The following FBLN2 variants were observed in gnomAD, a reference collection of about 807,000 sequenced individuals.
FBLN2 encodes fibulin-2.
Under a neutral mutation model 123.7 loss-of-function variants are expected in FBLN2, and 81 were observed. The observed-to-expected ratio is 0.65, with a 90% confidence interval of 0.55 to 0.79. The LOEUF (loss-of-function observed/expected upper bound fraction) is 0.79. FBLN2 is among the 30% of genes least tolerant of loss of function. FBLN2 has a pLI of 0.00. For missense variants in FBLN2, 1,603 were observed against 1,681.3 expected, an observed-to-expected ratio of 0.95 and a Z score of 0.81; for synonymous variants, 699 against 701.4, an observed-to-expected ratio of 1.00 and a Z score of 0.05.
chr3:13,628,658 C>T (rs371315258), intron 11 of FBLN2, among the ~76,000 whole-genome samples: 29 of 152,332 alleles, frequency 1.9e-4, no homozygotes, highest in South Asian at 1.7e-3. Flanking sequence ...GCCTCGATCC[C>T]GCCCTGCCTC....
At chr3:13,617,171 C>T (rs867068182) in intron 5 of FBLN2, among the ~76,000 whole-genome samples, 16 of 151,414 alleles carry the variant, frequency 1.1e-4, no homozygotes, top group African/African-American at 3.9e-4. Context: ...TCCATCCATC[C>T]ATCCATCTAT....
intron 2 of FBLN2, among the ~76,000 whole-genome samples, chr3:13,578,983 A>G (rs913549995): frequency 2.6e-5 from 4 of 152,208 alleles, no homozygotes; most frequent in African/African-American, 9.7e-5. Flanking sequence ...TGAACCTAGG[A>G]GGCGGAGGTT....
At chr3:13,605,414 T>C (rs1705169016) in intron 2 of FBLN2, among the ~76,000 whole-genome samples, 2 of 152,240 alleles carry the variant, frequency 1.3e-5, no homozygotes, top group Non-Finnish European at 2.9e-5. Context: ...ATTGTTATTT[T>C]ATGTGTGATA....
chr3:13,603,942 G>C (rs1031171089), intron 2 of FBLN2, among the ~76,000 whole-genome samples: 31 of 152,326 alleles, frequency 2.0e-4, no homozygotes, highest in African/African-American at 7.0e-4. Context: ...ACTGGTGTGA[G>C]ATGGTATTTC....
intron 2 of FBLN2, among the ~76,000 whole-genome samples, chr3:13,588,492 C>T (rs1370768902): frequency 6.6e-6 from 1 of 152,238 alleles, no homozygotes; most frequent in Non-Finnish European, 1.5e-5. Flanking sequence ...TGTGGCTTCT[C>T]ATTGGGAACC....
Position 13,597,107 on chromosome 3 carries a change from T to C in FBLN2, c.1307-10955T>C, listed in dbSNP as rs530007615. Among the ~76,000 whole-genome samples, 162 of 152,202 alleles carry C rather than the reference T, an allele frequency of 1.1e-3. 1 individual carries two copies. In the South Asian group the frequency reaches 0.032, roughly 30 times the overall value. On this transcript the variant is annotated intron_variant, in intron 2 of 17. Transcript: ENST00000404922. ...CCATCATGCCTGGCTAATTTTTAAA[T>C]TTTTTGTAGAGATGGAGTCTGGCTG...
In FBLN2 at chr3:13,570,395, C is replaced by T; in HGVS notation, c.40C>T (p.Leu14=). Residue 14 remains leucine (L), a synonymous_variant, in exon 2 of 18, where the codon CTG becomes TTG. Transcript: ENST00000404922. ...LWEPAGAWLA[L]GLALALGPSV... is the part of the protein sequence containing the mutation. ...GGAGCCTGCAGGAGCCTGGCTTGCT[C>T]TGGGCCTGGCCCTGGCCCTGGGCCC... 6.3e-7 allele frequency: 1 copy of T among 1,578,084 alleles called. No individual in the cohort carries two copies. The highest frequency in any genetic ancestry group is 8.6e-7 in the Non-Finnish European group (1 of 1,163,178).
Position 13,619,808 on chromosome 3 carries a change from T to A in FBLN2, c.2132T>A (p.Met711Lys), listed in dbSNP as rs539068060. Residue 711 changes from methionine (M) to lysine (K), a missense_variant, in exon 8 of 18, where the codon ATG (methionine) becomes AAG (lysine). Met to Lys is a moderately conservative substitution (Grantham distance 95, BLOSUM62 -1). Coordinates refer to ENST00000404922, the MANE Select transcript of FBLN2 (RefSeq NM_001004019.2). ...ICSCFPGYAI[M>K]ADGVSCEDQD... is the part of the protein sequence containing the mutation. ...TCCTGTTTTCCCGGCTATGCCATCA[T>A]GGCGGATGGCGTGTCCTGTGAAGGT... 2 of 1,612,630 alleles carry A rather than the reference T, an allele frequency of 1.2e-6. No homozygotes were observed. Among genetic ancestry groups the A allele is most frequent in the South Asian group, 2.2e-5 (2 of 90,802 alleles).
chr3:13,618,369 G>A (rs1705709902), intron 6 of FBLN2, 84 bp downstream of exon 6: 1 of 1,297,474 alleles, frequency 7.7e-7, no homozygotes, highest in African/African-American at 1.5e-5. Flanking sequence ...TGCACACTGT[G>A]GGGTCCTTCA....
chr3:13,637,541 C>A (rs772659478), intron 17 of FBLN2, 21 bp from the exon 18 acceptor site: 1 of 1,573,300 alleles, frequency 6.4e-7, no homozygotes, highest in Non-Finnish European at 8.7e-7. Flanking sequence ...CTGTGGGTGA[C>A]CCGGCCTATC....
Position 13,571,027 on chromosome 3 carries a change from C to T in FBLN2, c.672C>T (p.Gly224=), listed in dbSNP as rs112488952. Residue 224 remains glycine, a synonymous_variant, in exon 2 of 18, where the codon GGC becomes GGT. Coordinates refer to ENST00000404922, the MANE Select transcript of FBLN2 (RefSeq NM_001004019.2). ...TCCAGGCGGGTGCAGTCCAGGCAGG[C>T]GCAGGGGGCCCCCCAGCTGCTCTGG... is the stretch of plus-strand genomic sequence containing the variant. The part of the protein sequence containing the change: ...GEVQAGAVQA[G]AGGPPAALGG... The T allele has an allele frequency of 1.3e-5, 21 of 1,578,822 alleles. No homozygotes were observed. Among genetic ancestry groups the T allele is most frequent in the Admixed American group, 1.3e-4 (7 of 53,992 alleles).
At chr3:13,609,043 G>T (rs959043506) in intron 3 of FBLN2, among the ~76,000 whole-genome samples, 1 of 152,232 alleles carries the variant, frequency 6.6e-6, no homozygotes, top group Non-Finnish European at 1.5e-5. Context: ...TCCCACTTCA[G>T]GGGGTGCTGA....
chr3:13,624,290 C>T (rs1223845809), intron 9 of FBLN2, among the ~76,000 whole-genome samples: 1 of 152,192 alleles, frequency 6.6e-6, no homozygotes, highest in Non-Finnish European at 1.5e-5. Flanking sequence ...AGAACGATGT[C>T]CTCTAAACCA....
chr3:13,593,570 C>G (rs111745607), intron 2 of FBLN2, among the ~76,000 whole-genome samples: 1 of 151,954 alleles, frequency 6.6e-6, no homozygotes, highest in Non-Finnish European at 1.5e-5. Context: ...AAAAATTAGC[C>G]GGGCGTGGTG....
At chr3:13,580,129 T>C (rs1559406765) in intron 2 of FBLN2, among the ~76,000 whole-genome samples, 3 of 152,226 alleles carry the variant, frequency 2.0e-5, no homozygotes. Context: ...GTTCCCCGGC[T>C]GGGGGCATTG....
At chr3:13,559,903 C>T (rs1331740497) in intron 1 of FBLN2, among the ~76,000 whole-genome samples, 1 of 152,168 alleles carries the variant, frequency 6.6e-6, no homozygotes, top group East Asian at 1.9e-4. Flanking sequence ...CCAGGCGGGG[C>T]ATGGGTGTGC....
intron 2 of FBLN2, among the ~76,000 whole-genome samples, chr3:13,574,938 C>T (rs957804031): frequency 5.3e-5 from 8 of 152,220 alleles, no homozygotes; most frequent in Non-Finnish European, 8.8e-5. Context: ...TGCCTGTGTA[C>T]ATCCCTGTAA....
chr3:13,602,075 A>G (rs1236221160), intron 2 of FBLN2, among the ~76,000 whole-genome samples: 1 of 152,236 alleles, frequency 6.6e-6, no homozygotes, highest in Non-Finnish European at 1.5e-5. Flanking sequence ...ATTACAGGCT[A>G]TGGATTTTAT....
chr3:13,602,880 A>G lies in FBLN2; in HGVS notation c.1307-5182A>G, dbSNP rs377506703. Among the ~76,000 whole-genome samples, 21 of 149,620 alleles carry G rather than the reference A, an allele frequency of 1.4e-4. No individual in the cohort carries two copies. In the South Asian group the frequency reaches 3.4e-3, roughly 24 times the overall value. ...ATAACGACTGTTGTTTCTTCTTTCT[A>G]TTATTTCTTTGGCCCTTTTTTCTTT... On this transcript the variant is annotated intron_variant, in intron 2 of 17. Coordinates refer to ENST00000404922, the MANE Select transcript of FBLN2 (RefSeq NM_001004019.2).
Sources: allele counts gnomAD v4.1 joint callset (sites outside exome capture counted in the v4.1 genomes callset), GRCh38; gene constraint gnomAD v4.1.1; transcripts MANE v1.5; gene names NCBI Gene and HGNC (gene_info 2026-07-23, HGNC 2026-07-21).